The following CACHD1 variants were observed in gnomAD, a reference collection of about 807,000 sequenced individuals.
CACHD1 encodes VWFA and cache domain-containing protein 1.
A neutral mutation model predicts 138.7 loss-of-function variants in CACHD1; 71 were observed. The observed-to-expected ratio is 0.51, with a 90% CI of 0.42 to 0.62. The LOEUF is 0.62. CACHD1 is among the 20% of genes least tolerant of loss of function. The pLI, the probability that CACHD1 is intolerant of heterozygous loss-of-function variation, is 0.00. For synonymous variants in CACHD1, 578 were observed against 591.5 expected, an observed-to-expected ratio of 0.98 and a Z score of 0.33; for missense variants, 1,389 against 1,625.3, an observed-to-expected ratio of 0.85 and a Z score of 2.50.
intron 3 of CACHD1, among the ~76,000 whole-genome samples, chr1:64,601,816 A>G (rs1032037259): frequency 2.0e-5 from 3 of 152,248 alleles, no homozygotes; most frequent in African/African-American, 4.8e-5. Context: ...TTACATTTTA[A>G]CACAAATTTT....
At chr1:64,571,709 A>G (rs559436442) in intron 2 of CACHD1, among the ~76,000 whole-genome samples, 188 of 152,188 alleles carry the variant, frequency 1.2e-3, no homozygotes, top group Admixed American at 2.6e-3. Flanking sequence ...GAACCCTAAC[A>G]TGCTGTGGTC....
rs765088899 is a variant in CACHD1 at position 64,641,901 on chromosome 1, A to G, written c.1088A>G (p.Gln363Arg). ...SSEEDKKATL[Q>R]VINEENSFLN... The stretch of plus-strand genomic sequence containing the variant: ...GAAGAAGATAAAAAAGCGACTCTCC[A>G]AGTCATCAATGAAGAAAATAGCTTT... Residue 363 changes from glutamine to arginine, a missense_variant, in exon 8 of 27, where the codon CAA (glutamine) becomes CGA (arginine). This residue lies in a region of CACHD1 where 1,000 missense variants were observed against 1,114.7 expected (regional missense o/e 0.90). Transcript: ENST00000651257. 1.2e-6 allele frequency: 2 copies of G among 1,606,744 alleles called. No individual in the cohort carries two copies. Among genetic ancestry groups the G allele is most frequent in the Non-Finnish European group, 1.7e-6 (2 of 1,177,376 alleles).
chr1:64,477,586 T>TGA (rs1557454917), intron 1 of CACHD1, among the ~76,000 whole-genome samples: 14 of 34,282 alleles, frequency 4.1e-4, no homozygotes, highest in Admixed American at 1.0e-3. Context: ...TCCCCCCAGA[T>TGA]TATTATTATT....
Position 64,675,881 on chromosome 1 carries a change from T to C in CACHD1, c.2889-16T>C. The C allele has an allele frequency of 5.3e-6, 8 of 1,514,858 alleles. No individual in the cohort carries two copies. Among genetic ancestry groups the C allele is most frequent in the Non-Finnish European group, 7.1e-6 (8 of 1,127,688 alleles). The allele number at this position is 1,514,858 out of a possible 1,614,324, so 93.8% of individuals were successfully genotyped here. On this transcript the variant is annotated splice_polypyrimidine_tract_variant and intron_variant, in intron 20 of 26. Coordinates refer to ENST00000651257, the MANE Select transcript of CACHD1 (RefSeq NM_020925.4). ...CCATTGACCTTCTGCATAGTAACTTTCTTTTTGCTTTTCAGAATGGAACAA... is the reference window on the plus strand; with the variant it reads ...CCATTGACCTTCTGCATAGTAACTTCCTTTTTGCTTTTCAGAATGGAACAA...
chr1:64,670,561 G>C (rs1649779344), intron 16 of CACHD1, among the ~76,000 whole-genome samples: 1 of 152,162 alleles, frequency 6.6e-6, no homozygotes, highest in Non-Finnish European at 1.5e-5. Flanking sequence ...CATGAGCATA[G>C]ATTAAAAACA....
At chr1:64,517,470 G>A (rs560970606) in intron 1 of CACHD1, among the ~76,000 whole-genome samples, 1 of 152,292 alleles carries the variant, frequency 6.6e-6, no homozygotes, top group South Asian at 2.1e-4. Flanking sequence ...GAGCTGTGGG[G>A]TTGCAATGAA....
chr1:64,616,132 A>T (rs1453871591), intron 4 of CACHD1, among the ~76,000 whole-genome samples: 1 of 152,212 alleles, frequency 6.6e-6, no homozygotes, highest in East Asian at 1.9e-4. Context: ...CTTTGTATCT[A>T]AAACCATACC....
At chr1:64,633,306 A>G (rs1292654059) in intron 6 of CACHD1, among the ~76,000 whole-genome samples, 1 of 152,240 alleles carries the variant, frequency 6.6e-6, no homozygotes, top group Non-Finnish European at 1.5e-5. Context: ...TTGGGAAAAG[A>G]GTATTATTCT....
intron 26 of CACHD1, among the ~76,000 whole-genome samples, chr1:64,685,853 A>C (rs1009701444): frequency 1.3e-5 from 2 of 151,522 alleles, no homozygotes; most frequent in East Asian, 1.9e-4. Flanking sequence ...GTCTCAAAAA[A>C]AAAAGAAAAA....
At chr1:64,551,219 TC>T (rs995777677) in intron 2 of CACHD1, among the ~76,000 whole-genome samples, 1 of 151,520 alleles carries the variant, frequency 6.6e-6, no homozygotes, top group Non-Finnish European at 1.5e-5. Flanking sequence ...TTTTCTTTCC[TC>T]TTTTTTTTTT....
At chr1:64,677,621 A>G (rs193059330) in intron 22 of CACHD1, among the ~76,000 whole-genome samples, 5 of 152,320 alleles carry the variant, frequency 3.3e-5, no homozygotes, top group Non-Finnish European at 7.4e-5. Context: ...CAAACTGATT[A>G]ATTTGGGATG....
chr1:64,622,061 G>A (rs1364622752), intron 4 of CACHD1, among the ~76,000 whole-genome samples: 2 of 152,056 alleles, frequency 1.3e-5, no homozygotes, highest in South Asian at 2.1e-4. Context: ...GTACCAATCC[G>A]AATTAAATAG....
intron 2 of CACHD1, among the ~76,000 whole-genome samples, chr1:64,553,137 A>T (rs1484879322): frequency 6.6e-6 from 1 of 152,210 alleles, no homozygotes; most frequent in African/African-American, 2.4e-5. Context: ...CTGTGACATG[A>T]TTTCCAGATC....
intron 2 of CACHD1, among the ~76,000 whole-genome samples, chr1:64,571,672 C>T (rs955702162): frequency 2.6e-5 from 4 of 152,094 alleles, no homozygotes; most frequent in East Asian, 1.9e-4. Flanking sequence ...AATGTTTGAT[C>T]GATATTCTCT....
intron 2 of CACHD1, among the ~76,000 whole-genome samples, chr1:64,553,936 TA>T (rs1194714079): frequency 2.0e-5 from 3 of 152,228 alleles, no homozygotes; most frequent in Non-Finnish European, 2.9e-5. Context: ...CATCTGTAAT[TA>T]AGGGTCATTT....
chr1:64,513,182 T>C (rs1455963133), intron 1 of CACHD1, among the ~76,000 whole-genome samples: 2 of 152,190 alleles, frequency 1.3e-5, no homozygotes, highest in Non-Finnish European at 2.9e-5. Context: ...TTAACACAAA[T>C]GACATGTGAC....
At chr1:64,541,634 C>A (rs1646677892) in intron 1 of CACHD1, among the ~76,000 whole-genome samples, 2 of 151,996 alleles carry the variant, frequency 1.3e-5, no homozygotes, top group South Asian at 2.1e-4. Flanking sequence ...ATAGCGACAC[C>A]CTGTCTCTAC....
intron 3 of CACHD1, among the ~76,000 whole-genome samples, chr1:64,590,178 C>T (rs771541684): frequency 3.3e-5 from 5 of 151,998 alleles, no homozygotes; most frequent in South Asian, 2.1e-4. Context: ...AAAAATTAGC[C>T]GGGCGTGGTG....
intron 1 of CACHD1, among the ~76,000 whole-genome samples, chr1:64,486,790 C>T (rs948413802): frequency 5.9e-5 from 9 of 152,154 alleles, no homozygotes; most frequent in Non-Finnish European, 8.8e-5. Context: ...AACAGAGTCC[C>T]TGCCTTTAAG....
Sources: gnomAD v4.1 joint callset for allele counts (sites outside exome capture counted in the v4.1 genomes callset) on GRCh38, gnomAD v4.1.1 for gene constraint, gnomAD v4.1.1 regional missense constraint, MANE v1.5 for transcripts, NCBI Gene and HGNC (gene_info 2026-07-23, HGNC 2026-07-21) for gene names.